Variants in STK33 observed in about 807,000 individuals in gnomAD.
STK33 encodes the protein serine/threonine kinase 33, also known as serine/threonine-protein kinase 33.
Under a neutral mutation model 58.0 loss-of-function variants are expected in STK33, and 52 were observed. The ratio of observed to expected loss-of-function variants is 0.90; its 90% CI spans 0.72 to 1.13. The LOEUF (loss-of-function observed/expected upper bound fraction) is 1.13. STK33 is among the 50% of genes most tolerant of loss of function. The pLI is 0.00. For missense variants in STK33, 630 were observed against 604.2 expected (o/e 1.04, Z -0.45); for synonymous variants, 215 against 200.1 (o/e 1.07, Z -0.63).
At position 8,398,004 on chromosome 11, in the gene STK33, T is replaced by C. The variant is rs559343961; in HGVS notation, c.1345-5294A>G. ...GTCTGATTGGTGCACCTGAAAGTGA[T>C]GGGGAGAATGGAACCAAGTTGGAAA... On this transcript the variant is annotated intron_variant, in intron 15 of 15. Coordinates refer to ENST00000687296, the MANE Select transcript of STK33 (RefSeq NM_001352389.2). 2.0e-5 allele frequency among the ~76,000 whole-genome samples: 3 copies of C among 152,274 alleles called. No individual in the cohort carries two copies. In the East Asian group the frequency reaches 5.8e-4, roughly 29 times the overall value.
chr11:8,580,225 T>C (rs2029883298), intron 1 of STK33, among the ~76,000 whole-genome samples: 3 of 152,094 alleles, frequency 2.0e-5, no homozygotes, highest in Admixed American at 2.0e-4. Flanking sequence ...TAAGTGTCCA[T>C]CAATAGATAA....
At chr11:8,454,883 GGAGA>G (rs1946666471) in intron 9 of STK33, 51 bp from the exon 10 acceptor site, 1 of 1,460,988 alleles carries the variant, frequency 6.8e-7, no homozygotes, top group Non-Finnish European at 9.1e-7. Context: ...TGGAAAAATA[GGAGA>G]GACACATATA....
At chr11:8,549,228 A>C (rs1956145335) in intron 1 of STK33, among the ~76,000 whole-genome samples, 1 of 152,178 alleles carries the variant, frequency 6.6e-6, no homozygotes, top group Non-Finnish European at 1.5e-5. Context: ...TATTGAAATG[A>C]CCATATAATT....
At chr11:8,342,483 C>T in the STK33 span, among the ~76,000 whole-genome samples, 6 of 152,230 alleles carry the variant, frequency 3.9e-5, no homozygotes, top group Admixed American at 3.3e-4. Flanking sequence ...TTTTAAGCTA[C>T]TGTTAGCTTC....
chr11:8,537,330 TC>T, intron 1 of STK33, among the ~76,000 whole-genome samples: 1 of 151,908 alleles, frequency 6.6e-6, no homozygotes, highest in East Asian at 1.9e-4. Context: ...CCTCAAGTGA[TC>T]CTCCCACCTC....
chr11:8,354,312 C>T, the STK33 span, among the ~76,000 whole-genome samples: 2 of 150,966 alleles, frequency 1.3e-5, no homozygotes, highest in Non-Finnish European at 2.9e-5. Context: ...CATTTCCCTT[C>T]CTCATTCCTC....
At chr11:8,368,392 T>C in the STK33 span, among the ~76,000 whole-genome samples, 1 of 152,226 alleles carries the variant, frequency 6.6e-6, no homozygotes, top group Non-Finnish European at 1.5e-5. Context: ...CTGAGAGCGA[T>C]GCTGTCCTTG....
At chr11:8,356,501 G>A in the STK33 span, among the ~76,000 whole-genome samples, 3 of 152,036 alleles carry the variant, frequency 2.0e-5, no homozygotes, top group Non-Finnish European at 4.4e-5. Context: ...AGAGGTGGGT[G>A]GGATGTCAGA....
chr11:8,449,688 G>A (rs1946025874), intron 11 of STK33, among the ~76,000 whole-genome samples: 1 of 147,710 alleles, frequency 6.8e-6, no homozygotes, highest in Non-Finnish European at 1.5e-5. Flanking sequence ...TAAATGATGA[G>A]CTAATGGGTT....
chr11:8,556,688 A>T (rs562425913), intron 1 of STK33, among the ~76,000 whole-genome samples: 1 of 152,282 alleles, frequency 6.6e-6, no homozygotes, highest in East Asian at 1.9e-4. Flanking sequence ...CACTTATCAC[A>T]GTTTATAAGT....
intron 1 of STK33, among the ~76,000 whole-genome samples, chr11:8,587,908 C>A (rs1387453558): frequency 6.6e-6 from 1 of 152,248 alleles, no homozygotes; most frequent in Admixed American, 6.5e-5. Flanking sequence ...TTAGTTCAGG[C>A]TGCTCTAACA....
chr11:8,482,823 G>A (rs371545576), intron 1 of STK33, among the ~76,000 whole-genome samples: 7 of 151,674 alleles, frequency 4.6e-5, no homozygotes, highest in African/African-American at 9.7e-5. Context: ...TCCACCTCCC[G>A]GGTTCACGCC....
At chr11:8,373,226 C>A in the STK33 span, among the ~76,000 whole-genome samples, 3 of 151,742 alleles carry the variant, frequency 2.0e-5, no homozygotes, top group Non-Finnish European at 4.4e-5. Context: ...AAGCTCAGAA[C>A]CCACATGTTT....
At chr11:8,360,084 T>C in the STK33 span, among the ~76,000 whole-genome samples, 1 of 152,388 alleles carries the variant, frequency 6.6e-6, no homozygotes, top group East Asian at 1.9e-4. Flanking sequence ...AAGCAGCCCC[T>C]GCCTCTTTGT....
intron 15 of STK33, among the ~76,000 whole-genome samples, chr11:8,408,045 T>C (rs1939574963): frequency 6.6e-6 from 1 of 152,074 alleles, no homozygotes; most frequent in Non-Finnish European, 1.5e-5. Context: ...AAGAAGAGTA[T>C]CAGAAATGAT....
chr11:8,406,539 A>G (rs1939243209), intron 15 of STK33, among the ~76,000 whole-genome samples: 1 of 152,140 alleles, frequency 6.6e-6, no homozygotes, highest in Non-Finnish European at 1.5e-5. Flanking sequence ...AGTCTTTTTC[A>G]ATTTTGCTCA....
At chr11:8,459,372 T>C (rs911729404) in intron 8 of STK33, among the ~76,000 whole-genome samples, 1 of 152,122 alleles carries the variant, frequency 6.6e-6, no homozygotes, top group Admixed American at 6.5e-5. Context: ...CTGATCTACA[T>C]GAATTAAGGG....
the STK33 span, among the ~76,000 whole-genome samples, chr11:8,368,489 G>A: frequency 0.25 from 38,142 of 152,144 alleles, 5,690 homozygotes; most frequent in East Asian, 0.4. Context: ...GCCCAACAGC[G>A]CCAGAATGCC....
At chr11:8,339,257 G>C in the STK33 span, among the ~76,000 whole-genome samples, 2 of 152,070 alleles carry the variant, frequency 1.3e-5, no homozygotes, top group South Asian at 4.2e-4. Context: ...ATCCAGGCAC[G>C]GGGTTAGCAC....
Sources: gnomAD v4.1 joint callset for allele counts (sites outside exome capture counted in the v4.1 genomes callset) on GRCh38, gnomAD v4.1.1 for gene constraint, MANE v1.5 for transcripts, NCBI Gene and HGNC (gene_info 2026-07-23, HGNC 2026-07-21) for gene names.